GAB2: variants seen among roughly 807,000 people sequenced by gnomAD.
GAB2 encodes the protein GRB2 associated binding protein 2, also known as GRB2-associated-binding protein 2.
A neutral mutation model predicts 65.5 loss-of-function variants in GAB2; 26 were observed. The ratio of observed to expected loss-of-function variants is 0.40; its 90% confidence interval spans 0.29 to 0.55. GAB2 has a LOEUF of 0.55. GAB2 is among the 20% of genes least tolerant of loss of function. GAB2 has a pLI of 0.53. For missense variants in GAB2, 884 were observed against 875.8 expected (o/e 1.01, Z -0.12); for synonymous variants, 321 against 329.6 (o/e 0.97, Z 0.28).
At chr11:78,222,061 A>G (rs766702737) in intron 7 of GAB2, 44 bp downstream of exon 7, 9 of 1,275,586 alleles carry the variant, frequency 7.1e-6, no homozygotes, top group Non-Finnish European at 1.0e-5. Context: ...CATTTTCCCT[A>G]ATGGCCCGAC....
At chr11:78,387,755 A>G (rs1228730357) in intron 1 of GAB2, among the ~76,000 whole-genome samples, 4 of 152,224 alleles carry the variant, frequency 2.6e-5, no homozygotes, top group Non-Finnish European at 4.4e-5. Flanking sequence ...ACTTATCCAA[A>G]GCTATATTCC....
At chr11:78,405,053 C>A (rs1362785526) in intron 1 of GAB2, among the ~76,000 whole-genome samples, 1 of 149,530 alleles carries the variant, frequency 6.7e-6, no homozygotes, top group Admixed American at 6.7e-5. Context: ...AAAATAAAGG[C>A]AGAATCCTAA....
chr11:78,330,855 T>C (rs1305035914), intron 1 of GAB2, among the ~76,000 whole-genome samples: 1 of 151,536 alleles, frequency 6.6e-6, no homozygotes, highest in Non-Finnish European at 1.5e-5. Context: ...AGTTCTAGAA[T>C]TTGCCTGAGA....
chr11:78,386,100 G>GT lies in GAB2; in HGVS notation c.75+31545dup, dbSNP rs561735019. Among the ~76,000 whole-genome samples, 28 of 152,320 alleles carry GT rather than the reference G, an allele frequency of 1.8e-4. 1 individual carries two copies. In the South Asian group the frequency reaches 5.8e-3, roughly 32 times the overall value. ...TATTCTTTGTCAGGAGAGATGGAAGGTAAGAGTACCTGGGCCCTCTCAAGG... is the reference window on the plus strand; with the variant it reads ...TATTCTTTGTCAGGAGAGATGGAAGGTTAAGAGTACCTGGGCCCTCTCAAGG... On this transcript the variant is annotated intron_variant, in intron 1 of 9. Coordinates refer to ENST00000361507, the MANE Select transcript of GAB2 (RefSeq NM_080491.3).
chr11:78,300,172 T>C (rs975814749), intron 1 of GAB2, among the ~76,000 whole-genome samples: 14 of 152,156 alleles, frequency 9.2e-5, no homozygotes, highest in South Asian at 2.1e-4. Flanking sequence ...TAGATTAAAT[T>C]TGTCTTTTCT....
At chr11:78,305,958 C>A (rs537545134) in intron 1 of GAB2, among the ~76,000 whole-genome samples, 2 of 152,274 alleles carry the variant, frequency 1.3e-5, no homozygotes, top group South Asian at 2.1e-4. Flanking sequence ...GTCCTTAATC[C>A]TTCTCTGAGC....
intron 1 of GAB2, among the ~76,000 whole-genome samples, chr11:78,404,911 T>C (rs1857021635): frequency 6.6e-6 from 1 of 152,188 alleles, no homozygotes; most frequent in Non-Finnish European, 1.5e-5. Flanking sequence ...AATTGGAATG[T>C]TCCTAACAAA....
At chr11:78,260,838 G>A (rs1451782011) in intron 2 of GAB2, among the ~76,000 whole-genome samples, 1 of 152,140 alleles carries the variant, frequency 6.6e-6, no homozygotes, top group African/African-American at 2.4e-5. Context: ...TCATAAATCT[G>A]TCATGTGAAG....
chr11:78,303,406 G>T (rs1313102613), intron 1 of GAB2, among the ~76,000 whole-genome samples: 1 of 152,090 alleles, frequency 6.6e-6, no homozygotes, highest in Non-Finnish European at 1.5e-5. Flanking sequence ...TGTTCTAGCA[G>T]CATTTGTTGA....
At chr11:78,231,594 C>A (rs1027158221) in intron 3 of GAB2, among the ~76,000 whole-genome samples, 1 of 152,270 alleles carries the variant, frequency 6.6e-6, no homozygotes, top group African/African-American at 2.4e-5. Context: ...GTGGTCTGCC[C>A]GCCTCAGCCT....
intron 1 of GAB2, among the ~76,000 whole-genome samples, chr11:78,370,326 GTTTAT>G (rs1856551495): frequency 1.3e-5 from 2 of 151,998 alleles, no homozygotes. Context: ...TACACTCATG[GTTTAT>G]TTTATCTCAC....
intron 1 of GAB2, among the ~76,000 whole-genome samples, chr11:78,335,091 A>G (rs1053745776): frequency 4.6e-5 from 7 of 152,330 alleles, no homozygotes; most frequent in African/African-American, 1.7e-4. Flanking sequence ...AAATCAGATT[A>G]GACTTTTCCC....
intron 8 of GAB2, 146 bp from the exon 9 acceptor site, chr11:78,220,590 T>G: frequency 1.7e-6 from 1 of 602,288 alleles, no homozygotes; most frequent in Non-Finnish European, 2.8e-6. Flanking sequence ...ATGTTTTCAT[T>G]TTAATCCTCA....
At chr11:78,256,676 T>C (rs960004058) in intron 2 of GAB2, among the ~76,000 whole-genome samples, 3 of 152,268 alleles carry the variant, frequency 2.0e-5, no homozygotes, top group African/African-American at 7.2e-5. Context: ...ATCTCTAGCC[T>C]ACCTGTCTGT....
intron 1 of GAB2, among the ~76,000 whole-genome samples, chr11:78,348,894 T>C (rs888879552): frequency 6.6e-6 from 1 of 152,182 alleles, no homozygotes; most frequent in African/African-American, 2.4e-5. Flanking sequence ...TGCAACAACA[T>C]GGACACATCC....
chr11:78,261,494 T>C (rs1003548682), intron 2 of GAB2, among the ~76,000 whole-genome samples: 2 of 152,202 alleles, frequency 1.3e-5, no homozygotes, highest in African/African-American at 4.8e-5. Context: ...TGTTTGGGGA[T>C]AGCAAGTCTA....
intron 2 of GAB2, among the ~76,000 whole-genome samples, chr11:78,279,632 G>GT (rs1866275967): frequency 1.3e-5 from 2 of 152,096 alleles, no homozygotes; most frequent in Admixed American, 6.5e-5. Context: ...GTCACTCTCA[G>GT]TCACCACCAA....
chr11:78,309,051 G>A (rs1468500781), intron 1 of GAB2, among the ~76,000 whole-genome samples: 1 of 151,790 alleles, frequency 6.6e-6, no homozygotes, highest in East Asian at 1.9e-4. Flanking sequence ...ACTGGGAGTG[G>A]GGACAGAAAA....
intron 3 of GAB2, among the ~76,000 whole-genome samples, chr11:78,242,044 G>A (rs565793476): frequency 6.6e-6 from 1 of 152,144 alleles, no homozygotes. Flanking sequence ...CTCATGTTAG[G>A]CCAAGAGATT....
Sources: allele counts gnomAD v4.1 joint callset (sites outside exome capture counted in the v4.1 genomes callset), GRCh38; gene constraint gnomAD v4.1.1; transcripts MANE v1.5; gene names NCBI Gene and HGNC (gene_info 2026-07-23, HGNC 2026-07-21).